The following ZCCHC7 variants were observed in gnomAD, a reference collection of about 807,000 sequenced individuals.
ZCCHC7 encodes the protein zinc finger CCHC domain-containing protein 7.
In ZCCHC7, 35 loss-of-function variants were observed where a neutral mutation model predicts 52.0. The ratio of observed to expected loss-of-function variants is 0.67; its 90% confidence interval spans 0.51 to 0.89. ZCCHC7 has a LOEUF of 0.89. Among genes scored for constraint, ZCCHC7 ranks in the 40% least tolerant of loss-of-function variants. The pLI is 0.00. For missense variants in ZCCHC7, 574 were observed against 649.1 expected (o/e 0.88, Z 1.26); for synonymous variants, 217 against 221.5 (o/e 0.98, Z 0.18).
chr9:37,218,000 T>C (rs1008079065), intron 2 of ZCCHC7, among the ~76,000 whole-genome samples: 1 of 152,248 alleles, frequency 6.6e-6, no homozygotes, highest in African/African-American at 2.4e-5. Context: ...ATTAATTCTT[T>C]AGACTTAATC....
chr9:37,257,239 T>C (rs893668362), intron 2 of ZCCHC7, among the ~76,000 whole-genome samples: 12 of 152,338 alleles, frequency 7.9e-5, no homozygotes, highest in African/African-American at 2.9e-4. Context: ...TTGTCTTCAG[T>C]GGTTAACCTT....
At chr9:37,247,282 A>G (rs936882907) in intron 2 of ZCCHC7, among the ~76,000 whole-genome samples, 1 of 152,190 alleles carries the variant, frequency 6.6e-6, no homozygotes. Context: ...TTAAAAATGT[A>G]GTGATATCAA....
rs961650865 is a variant in ZCCHC7 at position 37,161,402 on chromosome 9, A to G, written c.610+34460A>G. Among the ~76,000 whole-genome samples, 38 of 152,004 alleles carry G rather than the reference A, an allele frequency of 2.5e-4. 1 individual carries two copies. The highest frequency in any genetic ancestry group is 2.2e-4 in the Non-Finnish European group (15 of 67,976). The stretch of plus-strand genomic sequence containing the variant: ...ATCCTGGCTAACACGGTGAAACCCC[A>G]TCTCTACTAAAAATACAAAAAAATT... On this transcript the variant is annotated intron_variant, in intron 2 of 8. Transcript: ENST00000336755.
intron 5 of ZCCHC7, among the ~76,000 whole-genome samples, chr9:37,306,378 A>C (rs1829306014): frequency 6.7e-6 from 1 of 149,762 alleles, no homozygotes; most frequent in Non-Finnish European, 1.5e-5. Flanking sequence ...CTATTTGTGC[A>C]TATTTAAATG....
In ZCCHC7 at chr9:37,235,352, G is replaced by T. The variant is rs113147619; in HGVS notation, c.611-66836G>T. On this transcript the variant is annotated intron_variant, in intron 2 of 8. Coordinates refer to ENST00000336755, the MANE Select transcript of ZCCHC7 (RefSeq NM_032226.3). ...CTCCGTATATGGGAGAAATCATGTGGTATTTGTCTTACTGTGTCTGGCTTA... is the reference window on the plus strand; with the variant it reads ...CTCCGTATATGGGAGAAATCATGTGTTATTTGTCTTACTGTGTCTGGCTTA... Among the ~76,000 whole-genome samples, 9 of 152,198 alleles carry T rather than the reference G, an allele frequency of 5.9e-5. 1 individual carries two copies. The highest frequency in any genetic ancestry group is 1.9e-4 in the African/African-American group (8 of 41,536).
chr9:37,348,762 G>A (rs1268829131), intron 6 of ZCCHC7, among the ~76,000 whole-genome samples: 5 of 152,106 alleles, frequency 3.3e-5, no homozygotes, highest in Admixed American at 2.6e-4. Context: ...CTCCATTCTT[G>A]TGCCCTGCTT....
chr9:37,317,989 G>A (rs947715152), intron 5 of ZCCHC7, among the ~76,000 whole-genome samples: 7 of 151,852 alleles, frequency 4.6e-5, no homozygotes, highest in African/African-American at 1.7e-4. Context: ...TATAAAGAAA[G>A]GAAAATAATA....
intron 2 of ZCCHC7, among the ~76,000 whole-genome samples, chr9:37,148,340 G>A (rs975424199): frequency 4.6e-5 from 7 of 152,120 alleles, no homozygotes; most frequent in Admixed American, 1.3e-4. Context: ...TGGCATAATA[G>A]AGTCATGGGG....
At chr9:37,157,238 C>T (rs912625713) in intron 2 of ZCCHC7, among the ~76,000 whole-genome samples, 6 of 149,730 alleles carry the variant, frequency 4.0e-5, no homozygotes, top group Non-Finnish European at 8.9e-5. Context: ...TGGCTCAGTC[C>T]TGTAGTGCCA....
At chr9:37,280,894 T>C (rs1302683332) in intron 2 of ZCCHC7, among the ~76,000 whole-genome samples, 1 of 152,100 alleles carries the variant, frequency 6.6e-6, no homozygotes, top group African/African-American at 2.4e-5. Flanking sequence ...TCTTAATTTG[T>C]TTCAAATGTA....
chr9:37,158,312 G>T (rs1386569123), intron 2 of ZCCHC7, among the ~76,000 whole-genome samples: 2 of 151,626 alleles, frequency 1.3e-5, no homozygotes, highest in African/African-American at 4.8e-5. Context: ...ATGTTAAAGG[G>T]TATTATATAG....
chr9:37,164,507 AAGAT>A (rs1376728870), intron 2 of ZCCHC7, among the ~76,000 whole-genome samples: 24 of 151,578 alleles, frequency 1.6e-4, no homozygotes, highest in African/African-American at 3.6e-4. Flanking sequence ...ATAGACAGAC[AAGAT>A]AGATAGACTC....
chr9:37,350,271 G>T (rs1364725402), intron 7 of ZCCHC7, among the ~76,000 whole-genome samples: 1 of 151,974 alleles, frequency 6.6e-6, no homozygotes, highest in African/African-American at 2.4e-5. Flanking sequence ...TGGGATTATA[G>T]GCGCATGCCA....
intron 2 of ZCCHC7, among the ~76,000 whole-genome samples, chr9:37,198,862 G>A (rs1012036285): frequency 2.6e-5 from 4 of 152,150 alleles, no homozygotes; most frequent in African/African-American, 7.2e-5. Context: ...TCAAAGACTC[G>A]TGTTCAATAC....
chr9:37,211,328 AT>A (rs919465375), intron 2 of ZCCHC7, among the ~76,000 whole-genome samples: 12 of 152,036 alleles, frequency 7.9e-5, no homozygotes, highest in African/African-American at 2.9e-4. Flanking sequence ...CAGCATACAT[AT>A]GGTTTTACTT....
chr9:37,129,360 ATTAAT>A (rs1056266265), intron 2 of ZCCHC7, among the ~76,000 whole-genome samples: 1 of 152,204 alleles, frequency 6.6e-6, no homozygotes, highest in African/African-American at 2.4e-5. Flanking sequence ...ATTTTTGGAA[ATTAAT>A]TTACTTGACT....
At chr9:37,334,902 A>G (rs1317144837) in intron 6 of ZCCHC7, among the ~76,000 whole-genome samples, 1 of 152,112 alleles carries the variant, frequency 6.6e-6, no homozygotes, top group African/African-American at 2.4e-5. Flanking sequence ...CAAAACAAGA[A>G]TTATTTAAAG....
chr9:37,297,216 TA>T (rs2133669689), intron 2 of ZCCHC7, among the ~76,000 whole-genome samples: 1 of 152,326 alleles, frequency 6.6e-6, no homozygotes, highest in Admixed American at 6.5e-5. Flanking sequence ...CTTCTATTGT[TA>T]AAAATTCAAT....
rs1457697075 is a variant in ZCCHC7, at chr9:37,354,507, C to G, written c.1084-203C>G. Among the ~76,000 whole-genome samples the G allele has an allele frequency of 6.6e-6, 1 of 152,162 alleles. No homozygotes were observed. The highest frequency in any genetic ancestry group is 1.9e-4 in the East Asian group (1 of 5,196). Reference sequence around the variant, plus strand: ...GGTAAAGAAGTAAGGGAAGAAAACTCAAGCTTGAAAGAATATCATAACACA... The same window carrying G: ...GGTAAAGAAGTAAGGGAAGAAAACTGAAGCTTGAAAGAATATCATAACACA... On this transcript the variant is annotated intron_variant, in intron 7 of 8. Coordinates refer to ENST00000336755, the MANE Select transcript of ZCCHC7 (RefSeq NM_032226.3). This position sits in a 1 kb window ranked among gnomAD's most constrained non-coding sequence, Gnocchi z 4.0.
Sources: gnomAD v4.1 joint callset for allele counts (sites outside exome capture counted in the v4.1 genomes callset) on GRCh38, gnomAD v4.1.1 for gene constraint, Gnocchi (gnomAD v3.1) non-coding constraint, MANE v1.5 for transcripts, NCBI Gene and HGNC (gene_info 2026-07-23, HGNC 2026-07-21) for gene names.